LAMP3: variants seen among roughly 807,000 people sequenced by gnomAD.
The protein encoded by LAMP3 is lysosome-associated membrane glycoprotein 3.
In LAMP3, 26 loss-of-function variants were observed where a neutral mutation model predicts 34.8. The ratio of observed to expected loss-of-function variants is 0.75; its 90% CI spans 0.55 to 1.04. The LOEUF (loss-of-function observed/expected upper bound fraction) is 1.04. Ranked by LOEUF, LAMP3 falls within the 50% of genes least tolerant of loss-of-function variation. The pLI is 0.00. For missense variants in LAMP3, 495 were observed against 524.0 expected, an observed-to-expected ratio of 0.94 and a Z score of 0.54; for synonymous variants, 180 against 201.9, an observed-to-expected ratio of 0.89 and a Z score of 0.92.
rs1437426997 is a variant in LAMP3, at chr3:183,124,162, G to A, written c.1170C>T (p.Ile390=). The part of the protein sequence containing the change: ...YTIVLPVIGA[I]VVGLCLMGMG... ...TACCCATAAGGCAGAGACCAACCAC[G>A]ATGGCCCCAATCACAGGAAGCACAA... The change falls in exon 6 of 6, where the codon ATC becomes ATT. Residue 390 remains isoleucine, a synonymous_variant. Coordinates refer to ENST00000265598, the MANE Select transcript of LAMP3 (RefSeq NM_014398.4). 6 of 1,609,882 alleles carry A rather than the reference G, an allele frequency of 3.7e-6. No homozygotes were observed. The highest frequency in any genetic ancestry group is 1.3e-5 in the African/African-American group (1 of 74,750).
intron 5 of LAMP3, among the ~76,000 whole-genome samples, chr3:183,134,811 A>G (rs1361410521): frequency 6.6e-6 from 1 of 152,238 alleles, no homozygotes; most frequent in Non-Finnish European, 1.5e-5. Context: ...AAATACGGCT[A>G]AACTTCTAGC....
chr3:183,135,541 G>A (rs1720055855), intron 5 of LAMP3, among the ~76,000 whole-genome samples, 176 bp downstream of exon 5: 1 of 152,196 alleles, frequency 6.6e-6, no homozygotes, highest in South Asian at 2.1e-4. Flanking sequence ...GGTGGGTGCA[G>A]GTGCCTGATT....
chr3:183,153,398 C>T lies in LAMP3; in HGVS notation c.759+284G>A, dbSNP rs929217792. Among the ~76,000 whole-genome samples the T allele has an allele frequency of 5.9e-5, 9 of 152,136 alleles. No individual in the cohort carries two copies. The South Asian group carries it at 6.2e-4, about 10-fold the overall frequency. On this transcript the variant is annotated intron_variant, in intron 2 of 5. Coordinates refer to ENST00000265598, the MANE Select transcript of LAMP3 (RefSeq NM_014398.4). Reference sequence around the variant, plus strand: ...AGTGGGAGGGAGGGGCTGAGATCAACGCTGAACATTCTACGACACTCTGCC... The same window carrying T: ...AGTGGGAGGGAGGGGCTGAGATCAATGCTGAACATTCTACGACACTCTGCC...
chr3:183,135,602 T>C lies in LAMP3; in HGVS notation c.1117+115A>G, dbSNP rs551806756. 9 of 1,009,832 alleles carry C rather than the reference T, an allele frequency of 8.9e-6. No homozygotes were observed. In the Middle Eastern group the frequency reaches 1.6e-3, roughly 184 times the overall value. The allele number at this position is 1,009,832 out of a possible 1,614,324, so 62.6% of individuals were successfully genotyped here. On this transcript the variant is annotated intron_variant, in intron 5 of 5. Coordinates refer to ENST00000265598, the MANE Select transcript of LAMP3 (RefSeq NM_014398.4). ...CTGTGAGCTATGTGGAATCACACCA[T>C]CCCAGGAAGCTCATGAGATGCTTGC...
intron 1 of LAMP3, among the ~76,000 whole-genome samples, chr3:183,154,845 C>T (rs1720779082): frequency 6.6e-6 from 1 of 152,214 alleles, no homozygotes; most frequent in African/African-American, 2.4e-5. Flanking sequence ...TACAGAGTTA[C>T]ACAGTTTTCA....
chr3:183,131,256 T>C (rs920403287), intron 5 of LAMP3, among the ~76,000 whole-genome samples: 4 of 152,234 alleles, frequency 2.6e-5, no homozygotes, highest in Non-Finnish European at 5.9e-5. Context: ...TTGTTTCATC[T>C]GCTAGGGGAG....
Position 183,124,140 on chromosome 3 carries a change from C to A in LAMP3, c.1192G>T (p.Gly398Cys), listed in dbSNP as rs1440899711. 2.5e-6 allele frequency: 4 copies of A among 1,613,460 alleles called. No homozygotes were observed. The highest frequency in any genetic ancestry group is 2.7e-5 in the African/African-American group (2 of 74,988). The change falls in exon 6 of 6, where the codon GGT becomes TGT. Residue 398 changes from glycine to cysteine, a missense_variant. Gly to Cys is a radical substitution (Grantham distance 159). Transcript: ENST00000265598. ...GAIVVGLCLM[G>C]MGVYKIRLRC... ...AGGCGGATTTTATAGACACCCATAC[C>A]CATAAGGCAGAGACCAACCACGATG...
chr3:183,160,247 C>T (rs1159107646), intron 1 of LAMP3, among the ~76,000 whole-genome samples: 1 of 152,168 alleles, frequency 6.6e-6, no homozygotes, highest in Admixed American at 6.5e-5. Flanking sequence ...AAAGATTACT[C>T]AGAGAGTTTA....
At position 183,147,033 on chromosome 3, in the gene LAMP3, G is replaced by A. The variant is rs184150332; in HGVS notation, c.888+5342C>T. 2.8e-3 allele frequency among the ~76,000 whole-genome samples: 424 copies of A among 152,054 alleles called. 2 individuals are homozygous for A. Among genetic ancestry groups the A allele is most frequent in the Admixed American group, 4.9e-3 (75 of 15,268 alleles). On this transcript the variant is annotated intron_variant, in intron 3 of 5. Transcript: ENST00000265598. ...CCGAGGCAGGTGGATCACGAGGTCA[G>A]GAGATCGAGACCATCCTGGCTAACA... is the stretch of plus-strand genomic sequence containing the variant.
At position 183,162,071 on chromosome 3, in the gene LAMP3, C is replaced by T. The variant is rs545561738; in HGVS notation, c.49+536G>A. 2.1e-5 allele frequency: 12 copies of T among 567,308 alleles called. No individual in the cohort carries two copies. In the Admixed American group the frequency reaches 2.5e-4, roughly 12 times the overall value. The allele number at this position is 567,308 out of a possible 1,614,324, so 35.1% of individuals were successfully genotyped here. On this transcript the variant is annotated intron_variant, in intron 1 of 5. Transcript: ENST00000265598. Reference sequence around the variant, plus strand: ...TCATCACAGGGACAACACCACAGCACCCGAGGACTCAATGTCTAGGGGGAA... The same window carrying T: ...TCATCACAGGGACAACACCACAGCATCCGAGGACTCAATGTCTAGGGGGAA...
intron 5 of LAMP3, among the ~76,000 whole-genome samples, chr3:183,124,432 T>A (rs539814558): frequency 6.6e-6 from 1 of 151,124 alleles, no homozygotes; most frequent in South Asian, 2.1e-4. Context: ...GAAGATTAAA[T>A]AACCATATTT....
At chr3:183,155,237 C>T (rs1720789437) in intron 1 of LAMP3, among the ~76,000 whole-genome samples, 1 of 152,184 alleles carries the variant, frequency 6.6e-6, no homozygotes, top group Non-Finnish European at 1.5e-5. Flanking sequence ...GTTTGAATTA[C>T]ACCTACAGAT....
chr3:183,154,425 T>C, intron 1 of LAMP3, 34 bp from the exon 2 acceptor site: 2 of 1,489,722 alleles, frequency 1.3e-6, no homozygotes, highest in South Asian at 2.5e-5. Flanking sequence ...TTAAAAACAC[T>C]AACCGATTGC....
At chr3:183,151,128 T>A (rs1471175839) in intron 3 of LAMP3, among the ~76,000 whole-genome samples, 1 of 152,168 alleles carries the variant, frequency 6.6e-6, no homozygotes, top group Non-Finnish European at 1.5e-5. Flanking sequence ...TTTCTAATCC[T>A]CCCAAGGGTC....
intron 3 of LAMP3, 127 bp from the exon 4 acceptor site, chr3:183,140,722 C>T: frequency 1.6e-6 from 1 of 624,986 alleles, no homozygotes; most frequent in Non-Finnish European, 2.9e-6. Flanking sequence ...TTACTTGGTA[C>T]TGGGTCATAA....
chr3:183,151,762 C>T (rs1162285051), intron 3 of LAMP3, among the ~76,000 whole-genome samples: 1 of 152,134 alleles, frequency 6.6e-6, no homozygotes, highest in Admixed American at 6.5e-5. Flanking sequence ...TCTCTAAGTC[C>T]TTTCCTCCAT....
chr3:183,157,116 C>T (rs1159218418), intron 1 of LAMP3, among the ~76,000 whole-genome samples: 2 of 152,204 alleles, frequency 1.3e-5, no homozygotes, highest in Non-Finnish European at 2.9e-5. Flanking sequence ...TATTTCTGTA[C>T]AGCTGGTTTG....
At chr3:183,146,052 A>G (rs74965417) in intron 3 of LAMP3, among the ~76,000 whole-genome samples, 11,236 of 152,242 alleles carry the variant, frequency 0.074, 469 homozygotes, top group East Asian at 0.16. Context: ...CTCTCATAAC[A>G]TCTATTATAT....
chr3:183,151,914 T>C (rs531815077), intron 3 of LAMP3, among the ~76,000 whole-genome samples: 1 of 152,216 alleles, frequency 6.6e-6, no homozygotes, highest in African/African-American at 2.4e-5. Flanking sequence ...GTCTGTCCCT[T>C]CCAGGGTATG....
Sources: allele counts gnomAD v4.1 joint callset (sites outside exome capture counted in the v4.1 genomes callset), GRCh38; gene constraint gnomAD v4.1.1; transcripts MANE v1.5; gene names NCBI Gene and HGNC (gene_info 2026-07-23, HGNC 2026-07-21).